The following PRRC2B variants were observed in gnomAD, a reference collection of about 807,000 sequenced individuals.
The protein encoded by PRRC2B is proline rich coiled-coil 2B.
In PRRC2B, 68 loss-of-function variants were observed where a neutral mutation model predicts 242.3. That is an observed-to-expected ratio of 0.28 (90% CI 0.23 to 0.34). The LOEUF is 0.34. Among genes scored for constraint, PRRC2B ranks in the 10% least tolerant of loss-of-function variants. The probability of loss-of-function intolerance (pLI) is 1.00; values close to 1 mark genes in which losing one functional copy is unlikely to be tolerated. For missense variants in PRRC2B, 2,835 were observed against 2,954.8 expected, an observed-to-expected ratio of 0.96 and a Z score of 0.94; for synonymous variants, 1,228 against 1,173.6, an observed-to-expected ratio of 1.05 and a Z score of -0.95.
At chr9:131,458,249 A>G (rs1588263310) in intron 10 of PRRC2B, among the ~76,000 whole-genome samples, 2 of 152,014 alleles carry the variant, frequency 1.3e-5, no homozygotes, top group Non-Finnish European at 2.9e-5. Flanking sequence ...AGGGAGGGAG[A>G]TGTACCAAAA....
At chr9:131,381,620 C>T (rs1256080847) in intron 1 of PRRC2B, among the ~76,000 whole-genome samples, 5 of 152,004 alleles carry the variant, frequency 3.3e-5, no homozygotes, top group African/African-American at 7.2e-5. Context: ...GGGGTTTCAC[C>T]GTGTTAGCCA....
chr9:131,483,390 C>T lies in PRRC2B; in HGVS notation c.5405C>T (p.Ala1802Val), dbSNP rs369376734. The part of the protein sequence containing the change: ...DSDFSLPPGS[A>V]SGPTGSPVVK... ...GATTTCAGCTTGCCACCTGGTTCTG[C>T]CTCTGGTCCTACTGGGAGTCCAGTT... is the stretch of plus-strand genomic sequence containing the variant. Residue 1802 changes from alanine (A) to valine (V), a missense_variant, in exon 23 of 32, where the codon GCC becomes GTC. Physicochemically the swap from Ala to Val is moderately conservative, Grantham distance 64 (BLOSUM62 0). This residue lies in a region of PRRC2B where 574 missense variants were observed against 626.0 expected (regional missense o/e 0.92). Coordinates refer to ENST00000683519, the MANE Select transcript of PRRC2B (RefSeq NM_013318.4). 2 of 1,613,794 alleles carry T rather than the reference C, an allele frequency of 1.2e-6. No individual in the cohort carries two copies. The highest frequency in any genetic ancestry group is 2.7e-5 in the African/African-American group (2 of 74,876).
rs965314334 is a variant in PRRC2B at position 131,494,092 on chromosome 9, T to G, written c.6474-313T>G. Among the ~76,000 whole-genome samples, 14 of 152,178 alleles carry G rather than the reference T, an allele frequency of 9.2e-5. No individual in the cohort carries two copies. Among genetic ancestry groups the G allele is most frequent in the African/African-American group, 3.4e-4 (14 of 41,444 alleles). On this transcript the variant is annotated intron_variant, in intron 30 of 31. Transcript: ENST00000683519. This position sits in a 1 kb window ranked among gnomAD's most constrained non-coding sequence, Gnocchi z 4.3. The stretch of plus-strand genomic sequence containing the variant: ...GGTCCAGACCCTGAGACGGCCAGTG[T>G]CGCTTTCTGCACAGCAGGACAGCCA...
At position 131,485,123 on chromosome 9, in the gene PRRC2B, C is replaced by T; in HGVS notation, c.5741C>T (p.Pro1914Leu). Residue 1914 changes from proline to leucine, a missense_variant, in exon 25 of 32, where the codon CCT (proline) becomes CTT (leucine). Pro to Leu is a moderately conservative substitution (Grantham distance 98). Around this residue, in one of 7 missense-constraint regions of PRRC2B, gnomAD observed 574 missense variants for 626.0 expected, o/e 0.92. Coordinates refer to ENST00000683519, the MANE Select transcript of PRRC2B (RefSeq NM_013318.4). Reference sequence around the variant, plus strand: ...CCCATGCCTGTGGCCTCTGTAGCACCTTCTGCTTCTATGCCAGGTATCTCA... The same window carrying T: ...CCCATGCCTGTGGCCTCTGTAGCACTTTCTGCTTCTATGCCAGGTATCTCA... ...MPPMPVASVA[P>L]SASMPGSHLP... The T allele has an allele frequency of 6.3e-7, 1 of 1,589,786 alleles. No individual in the cohort carries two copies. Among genetic ancestry groups the T allele is most frequent in the Non-Finnish European group, 8.6e-7 (1 of 1,166,326 alleles).
chr9:131,389,258 C>T (rs530595409), upstream of PRRC2B, among the ~76,000 whole-genome samples: 2 of 148,318 alleles, frequency 1.3e-5, no homozygotes, highest in Admixed American at 7.1e-5. Flanking sequence ...GTGAATCAAG[C>T]GATTCTCCTG....
chr9:131,494,209 C>A lies in PRRC2B; in HGVS notation c.6474-196C>A, dbSNP rs1376824565. Among the ~76,000 whole-genome samples, 1 of 152,202 alleles carries A rather than the reference C, an allele frequency of 6.6e-6. No individual in the cohort carries two copies. Among genetic ancestry groups the A allele is most frequent in the Non-Finnish European group, 1.5e-5 (1 of 68,048 alleles). ...GTGCCAGGGTGGTCAGTGACAGCCA[C>A]CCCCTCACCCTTCTGCGTTCTGGGC... On this transcript the variant is annotated intron_variant, in intron 30 of 31. Transcript: ENST00000683519. The surrounding 1 kb of genome is among the most constrained non-coding windows in gnomAD (Gnocchi z 4.3).
intron 1 of PRRC2B, among the ~76,000 whole-genome samples, chr9:131,428,064 G>A (rs1484113994): frequency 1.3e-5 from 2 of 151,680 alleles, no homozygotes; most frequent in Admixed American, 6.6e-5. Context: ...TGGGATTACA[G>A]GTGTGCACCA....
At chr9:131,419,797 G>A (rs1326582212) in intron 1 of PRRC2B, among the ~76,000 whole-genome samples, 2 of 152,098 alleles carry the variant, frequency 1.3e-5, no homozygotes, top group Admixed American at 6.5e-5. Flanking sequence ...TGAGACTGCC[G>A]GGGGTGGTGT....
At chr9:131,430,699 T>G (rs1292048948) in intron 2 of PRRC2B, among the ~76,000 whole-genome samples, 1 of 151,496 alleles carries the variant, frequency 6.6e-6, no homozygotes, top group Non-Finnish European at 1.5e-5. Flanking sequence ...CTCAAGCGAG[T>G]CTCTTGCCTC....
intron 5 of PRRC2B, among the ~76,000 whole-genome samples, chr9:131,439,777 C>T (rs1234627344): frequency 6.6e-6 from 1 of 152,200 alleles, no homozygotes; most frequent in Non-Finnish European, 1.5e-5. Flanking sequence ...GATCGAGTGC[C>T]AGCAGGAGTG....
In PRRC2B at chr9:131,444,431, T is replaced by A. The variant is rs1588254739; in HGVS notation, c.613+103T>A. The A allele has an allele frequency of 3.1e-6, 4 of 1,277,160 alleles. No individual in the cohort carries two copies. In the East Asian group the frequency reaches 1.1e-4, roughly 35 times the overall value. The allele number at this position is 1,277,160 out of a possible 1,614,324, so 79.1% of individuals were successfully genotyped here. ...TGCTGATGCCACTGGGGTCTCCGGT[T>A]CGAGCTGGAAACGTGGCTCTTTGAC... is the stretch of plus-strand genomic sequence containing the variant. On this transcript the variant is annotated intron_variant, in intron 6 of 31. Transcript: ENST00000683519.
In PRRC2B at chr9:131,497,712, C is replaced by T. The variant is rs1944369361; in HGVS notation, c.*1838C>T. The T allele has an allele frequency of 2.0e-5, 3 of 152,276 alleles. No individual in the cohort carries two copies. The highest frequency in any genetic ancestry group is 2.0e-4 in the Admixed American group (3 of 15,284). The allele number at this position is 152,276 out of a possible 1,614,324, so 9.4% of individuals were successfully genotyped here. A position where few individuals can be genotyped will look rare whatever the true frequency, so the allele number is the denominator to read the frequency against. On this transcript the variant is annotated 3_prime_UTR_variant, in exon 32 of 32. Transcript: ENST00000683519. Reference sequence around the variant, plus strand: ...GGCAGTTTTACTGAAAGGTGCTTTACTGTTCACCTGCATCTTTCAGCAGCT... The same window carrying T: ...GGCAGTTTTACTGAAAGGTGCTTTATTGTTCACCTGCATCTTTCAGCAGCT...
chr9:131,485,248 T>A, intron 25 of PRRC2B, 108 bp downstream of exon 25: 2 of 937,452 alleles, frequency 2.1e-6, no homozygotes, highest in Non-Finnish European at 3.1e-6. Context: ...AAGTAGCATG[T>A]AGAAGTAGCA....
chr9:131,484,673 TC>T lies in PRRC2B; in HGVS notation c.5461-11del, dbSNP rs1237329928. The T allele has an allele frequency of 1.3e-6, 2 of 1,585,748 alleles. No homozygotes were observed. Among genetic ancestry groups the T allele is most frequent in the Non-Finnish European group, 1.7e-6 (2 of 1,165,744 alleles). On this transcript the variant is annotated splice_polypyrimidine_tract_variant and intron_variant, in intron 23 of 31. Transcript: ENST00000683519. ...CTGTTTGTGTTCCATGGTTTCCTTT[TC>T]CTCCTCTCCAGGCAGGGTTAACACA...
chr9:131,429,166 C>T (rs1279642203), intron 1 of PRRC2B, among the ~76,000 whole-genome samples: 10 of 152,158 alleles, frequency 6.6e-5, no homozygotes, highest in Non-Finnish European at 1.2e-4. Context: ...AGGCAGGTCT[C>T]GAACTCCTGA....
At chr9:131,404,967 G>A (rs867407216) in intron 1 of PRRC2B, among the ~76,000 whole-genome samples, 17 of 152,170 alleles carry the variant, frequency 1.1e-4, no homozygotes, top group African/African-American at 1.7e-4. Flanking sequence ...TAGCTTTTTG[G>A]TAAGAATTCT....
Position 131,497,839 on chromosome 9 carries a change from A to C in PRRC2B, c.*1965A>C, listed in dbSNP as rs563684613. Reference sequence around the variant, plus strand: ...CACCCGACAGTTCCAGGCATTCCCTACCTGAGCTTCTTGTCTGCTTTTCCT... The same window carrying C: ...CACCCGACAGTTCCAGGCATTCCCTCCCTGAGCTTCTTGTCTGCTTTTCCT... On this transcript the variant is annotated 3_prime_UTR_variant, in exon 32 of 32. Transcript: ENST00000683519. 6.6e-6 allele frequency: 1 copy of C among 152,380 alleles called. No homozygotes were observed. Among genetic ancestry groups the C allele is most frequent in the African/African-American group, 2.4e-5 (1 of 41,516 alleles). The allele number at this position is 152,380 out of a possible 1,614,324, so 9.4% of individuals were successfully genotyped here. A position where few individuals can be genotyped will look rare whatever the true frequency, so the allele number is the denominator to read the frequency against.
chr9:131,400,197 C>T (rs952458022), intron 1 of PRRC2B, among the ~76,000 whole-genome samples: 2 of 152,184 alleles, frequency 1.3e-5, no homozygotes, highest in Non-Finnish European at 2.9e-5. Context: ...GATCCTTCTG[C>T]CTTAGCCTCC....
At chr9:131,375,745 T>A (rs1472557202) in intron 1 of PRRC2B, among the ~76,000 whole-genome samples, 1 of 152,080 alleles carries the variant, frequency 6.6e-6, no homozygotes. Flanking sequence ...AGGATGAAAT[T>A]CGGCTGGGCG....
Sources: allele counts gnomAD v4.1 joint callset (sites outside exome capture counted in the v4.1 genomes callset), GRCh38; gene constraint gnomAD v4.1.1; regional missense constraint gnomAD v4.1.1; non-coding constraint Gnocchi (gnomAD v3.1); transcripts MANE v1.5; gene names NCBI Gene and HGNC (gene_info 2026-07-23, HGNC 2026-07-21).